The following KLHL4 variants were observed in gnomAD, a reference collection of about 807,000 sequenced individuals.
KLHL4 encodes the protein kelch like family member 4.
A neutral mutation model predicts 45.8 loss-of-function variants in KLHL4; 17 were observed. That is an observed-to-expected ratio of 0.37 (90% CI 0.25 to 0.56). KLHL4 has a LOEUF of 0.56. Ranked by LOEUF, KLHL4 falls within the 20% of genes least tolerant of loss-of-function variation. The probability of loss-of-function intolerance (pLI) is 0.79; values close to 1 mark genes in which losing one functional copy is unlikely to be tolerated. For synonymous variants in KLHL4, 224 were observed against 189.9 expected (o/e 1.18, Z -1.47); for missense variants, 544 against 544.9 (o/e 1.00, Z 0.02).
At position 87,651,212 on chromosome X, in the gene KLHL4, C is replaced by T. The variant is rs767697247; in HGVS notation, c.1926-13552C>T. 1.9e-4 allele frequency among the ~76,000 whole-genome samples: 21 copies of T among 111,357 alleles called. No individual in the cohort carries two copies. In the South Asian group the frequency reaches 6.5e-3, roughly 34 times the overall value. On this transcript the variant is annotated intron_variant, in intron 9 of 10. Transcript: ENST00000373119. ...CCCCCATGATTCAATTATCTCCCAC[C>T]GGGTCCCTCCCACAACATGTAGGAA... is the stretch of plus-strand genomic sequence containing the variant.
chrX:87,534,714 G>A (rs1299654688), intron 1 of KLHL4, among the ~76,000 whole-genome samples: 1 of 111,448 alleles, frequency 9.0e-6, no homozygotes, highest in East Asian at 2.8e-4. Flanking sequence ...CAGCAACTTG[G>A]CATGGATCAC....
chrX:87,627,910 G>A (rs1922982032), intron 6 of KLHL4, among the ~76,000 whole-genome samples: 1 of 110,397 alleles, frequency 9.1e-6, no homozygotes, highest in South Asian at 3.8e-4. Flanking sequence ...TACCATAAAG[G>A]AATGTATTAC....
At chrX:87,556,272 C>T (rs975942491) in intron 1 of KLHL4, among the ~76,000 whole-genome samples, 36 of 109,830 alleles carry the variant, frequency 3.3e-4, no homozygotes, top group Non-Finnish European at 6.3e-4. Context: ...GGAACCAACC[C>T]AAATGTCCAA....
rs1924451054 is a variant in KLHL4 at position 87,668,486 on chromosome X, T to C, written c.*1952T>C. On this transcript the variant is annotated 3_prime_UTR_variant, in exon 11 of 11. Coordinates refer to ENST00000373119, the MANE Select transcript of KLHL4 (RefSeq NM_019117.5). ...GGGGCTACCCCTTCATAGCTGCATT[T>C]AAAAATGGTGTTCAGGCCACTATGG... The C allele has an allele frequency of 4.0e-6, 3 of 751,818 alleles. No individual in the cohort carries two copies. Among genetic ancestry groups the C allele is most frequent in the Non-Finnish European group, 4.7e-6 (3 of 638,262 alleles). The allele number at this position is 751,818 out of a possible 1,213,427, so 62.0% of individuals were successfully genotyped here.
intron 1 of KLHL4, among the ~76,000 whole-genome samples, chrX:87,595,814 T>A (rs1390562413): frequency 9.0e-6 from 1 of 111,426 alleles, no homozygotes; most frequent in South Asian, 3.7e-4. Context: ...AATTATAATA[T>A]AATAATGCGA....
chrX:87,518,380 G>C (rs780241301), intron 1 of KLHL4, 65 bp downstream of exon 1: 118 of 890,803 alleles, frequency 1.3e-4, no homozygotes, highest in Non-Finnish European at 1.7e-4. Flanking sequence ...TACAATTCAT[G>C]TTTAGTGTTT....
chrX:87,615,015 A>G (rs1922510765), intron 3 of KLHL4, among the ~76,000 whole-genome samples: 1 of 111,254 alleles, frequency 9.0e-6, no homozygotes, highest in African/African-American at 3.3e-5. Context: ...AAAGGTAACA[A>G]TGAATTTGGG....
intron 1 of KLHL4, among the ~76,000 whole-genome samples, chrX:87,552,822 T>C (rs1289445222): frequency 9.1e-6 from 1 of 109,411 alleles, no homozygotes; most frequent in African/African-American, 3.3e-5. Context: ...TAGTGAGGGA[T>C]CCAGGGGAGG....
chrX:87,636,533 G>A (rs1470908012), intron 9 of KLHL4, among the ~76,000 whole-genome samples: 1 of 111,779 alleles, frequency 8.9e-6, no homozygotes, highest in Admixed American at 9.5e-5. Context: ...AGCAATGTGA[G>A]CCTGCTTGCT....
In KLHL4 at chrX:87,667,498, G is replaced by A; in HGVS notation, c.*964G>A. ...GAACACCAAAATATTCAATAAGCCT[G>A]GTCAATTCTATAGTTATCTTTTTTG... On this transcript the variant is annotated 3_prime_UTR_variant, in exon 11 of 11. Coordinates refer to ENST00000373119, the MANE Select transcript of KLHL4 (RefSeq NM_019117.5). 2 of 728,770 alleles carry A rather than the reference G, an allele frequency of 2.7e-6. No individual in the cohort carries two copies. Among genetic ancestry groups the A allele is most frequent in the Non-Finnish European group, 3.2e-6 (2 of 616,918 alleles). 60.1% of individuals were successfully genotyped at this position (728,770 alleles called of 1,213,427 possible).
intron 1 of KLHL4, among the ~76,000 whole-genome samples, chrX:87,606,026 A>C (rs1223027176): frequency 9.0e-6 from 1 of 111,306 alleles, no homozygotes; most frequent in Non-Finnish European, 1.9e-5. Flanking sequence ...GCGGTGTATC[A>C]AATATATTAA....
intron 6 of KLHL4, among the ~76,000 whole-genome samples, chrX:87,626,986 T>C (rs1922952106): frequency 8.9e-6 from 1 of 111,794 alleles, no homozygotes; most frequent in African/African-American, 3.3e-5. Context: ...GTGGGGGCTT[T>C]AAAGAGAGAG....
intron 1 of KLHL4, among the ~76,000 whole-genome samples, chrX:87,601,395 A>AT (rs1335103627): frequency 1.8e-5 from 2 of 111,492 alleles, no homozygotes; most frequent in Admixed American, 1.9e-4. Context: ...GCCTGCCAGC[A>AT]TGAGGGGCCA....
At chrX:87,519,860 A>G (rs1231822333) in intron 1 of KLHL4, among the ~76,000 whole-genome samples, 1 of 112,497 alleles carries the variant, frequency 8.9e-6, no homozygotes, top group African/African-American at 3.2e-5. Context: ...ATTTGAGAAT[A>G]CATGAATTAA....
At chrX:87,577,830 T>G (rs1345747243) in intron 1 of KLHL4, among the ~76,000 whole-genome samples, 1 of 111,784 alleles carries the variant, frequency 8.9e-6, no homozygotes, top group Non-Finnish European at 1.9e-5. Context: ...TATGTCTTTA[T>G]ATTTTCTTCT....
Position 87,518,301 on chromosome X carries a change from A to C in KLHL4, c.408A>C (p.Glu136Asp). 1 of 1,205,934 alleles carries C rather than the reference A, an allele frequency of 8.3e-7. No individual in the cohort carries two copies. The highest frequency in any genetic ancestry group is 1.1e-6 in the Non-Finnish European group (1 of 892,604). ...DLEMMADDNI[E>D]DSTARLDTQH... ...AGATGATGGCTGATGACAATATAGA[A>C]GATTCTACAGCAAGGTAAGAGTTTT... The change falls in exon 1 of 11, where the codon GAA becomes GAC. Residue 136 changes from glutamate to aspartate, a missense_variant. By Grantham distance (45) the Glu-to-Asp change is conservative (BLOSUM62 2). Coordinates refer to ENST00000373119, the MANE Select transcript of KLHL4 (RefSeq NM_019117.5).
chrX:87,634,027 A>C, intron 8 of KLHL4, 116 bp downstream of exon 8: 1 of 570,230 alleles, frequency 1.8e-6, no homozygotes, highest in Non-Finnish European at 2.7e-6. Context: ...ACTTGTTATC[A>C]ATAATAAAAG....
At chrX:87,602,155 TAC>T (rs1353739688) in intron 1 of KLHL4, among the ~76,000 whole-genome samples, 3 of 111,551 alleles carry the variant, frequency 2.7e-5, no homozygotes, top group Non-Finnish European at 3.8e-5. Context: ...ATTAAAAAAT[TAC>T]AGAGAAAATT....
Position 87,669,265 on chromosome X carries a change from C to G in KLHL4, c.*2731C>G. 1.7e-6 allele frequency: 2 copies of G among 1,189,351 alleles called. No homozygotes were observed. The highest frequency in any genetic ancestry group is 1.1e-6 in the Non-Finnish European group (1 of 884,298). ...ACCGTGTTCACGATTCCCTACTCTG[C>G]AACTCTCAGCATGCATCATGATGAT... On this transcript the variant is annotated 3_prime_UTR_variant, in exon 11 of 11. Coordinates refer to ENST00000373119, the MANE Select transcript of KLHL4 (RefSeq NM_019117.5).
Sources: gnomAD v4.1 joint callset for allele counts (sites outside exome capture counted in the v4.1 genomes callset) on GRCh38, gnomAD v4.1.1 for gene constraint, MANE v1.5 for transcripts, NCBI Gene and HGNC (gene_info 2026-07-23, HGNC 2026-07-21) for gene names.